Variants in FAM193A observed in about 807,000 individuals in gnomAD.
FAM193A encodes the protein family with sequence similarity 193 member A, also known as protein FAM193A.
In FAM193A, 22 loss-of-function variants were observed where a neutral mutation model predicts 126.5. That is an observed-to-expected ratio of 0.17 (90% CI 0.12 to 0.25). FAM193A has a LOEUF of 0.25. Among genes scored for constraint, FAM193A ranks in the 10% least tolerant of loss-of-function variants. FAM193A has a pLI of 1.00. For synonymous variants in FAM193A, 761 were observed against 646.8 expected, an observed-to-expected ratio of 1.18 and a Z score of -2.68; for missense variants, 1,675 against 1,672.8, an observed-to-expected ratio of 1.00 and a Z score of -0.02.
intron 12 of FAM193A, among the ~76,000 whole-genome samples, chr4:2,671,629 C>A (rs765322682): frequency 3.9e-5 from 6 of 152,202 alleles, no homozygotes; most frequent in Non-Finnish European, 7.3e-5. Flanking sequence ...AGAATGGTTG[C>A]CTTTGACAAT....
At chr4:2,552,402 C>T (rs1447950731) in intron 1 of FAM193A, among the ~76,000 whole-genome samples, 1 of 152,106 alleles carries the variant, frequency 6.6e-6, no homozygotes, top group African/African-American at 2.4e-5. Context: ...CTGCCCACCT[C>T]TGCCTCCCAA....
chr4:2,688,895 A>G (rs1716050243), intron 13 of FAM193A, among the ~76,000 whole-genome samples: 1 of 152,186 alleles, frequency 6.6e-6, no homozygotes, highest in African/African-American at 2.4e-5. Flanking sequence ...AAATGCATGG[A>G]TGTTGGCTAG....
At chr4:2,665,612 A>C (rs970569897) in intron 12 of FAM193A, among the ~76,000 whole-genome samples, 9 of 151,964 alleles carry the variant, frequency 5.9e-5, no homozygotes, top group Non-Finnish European at 1.0e-4. Context: ...GGGCTCAAGC[A>C]GTCTTGCTGC....
chr4:2,612,063 C>T (rs1417953445), intron 2 of FAM193A, among the ~76,000 whole-genome samples: 1 of 151,712 alleles, frequency 6.6e-6, no homozygotes, highest in African/African-American at 2.4e-5. Flanking sequence ...GTCTCGTTCT[C>T]CTGACCTCGT....
At chr4:2,703,437 A>T (rs1717961252) in intron 19 of FAM193A, among the ~76,000 whole-genome samples, 1 of 152,028 alleles carries the variant, frequency 6.6e-6, no homozygotes. Flanking sequence ...AATAGAGATG[A>T]GGTTTCACCA....
chr4:2,564,091 A>G (rs1476632349), intron 1 of FAM193A, among the ~76,000 whole-genome samples: 2 of 151,944 alleles, frequency 1.3e-5, no homozygotes, highest in South Asian at 4.2e-4. Flanking sequence ...TATTTATTAT[A>G]TTTGTTTATT....
At chr4:2,610,307 A>G (rs1401539016) in intron 2 of FAM193A, among the ~76,000 whole-genome samples, 1 of 152,138 alleles carries the variant, frequency 6.6e-6, no homozygotes, top group African/African-American at 2.4e-5. Flanking sequence ...TACTACGCCC[A>G]TAGATCAATC....
chr4:2,646,861 C>A, intron 7 of FAM193A, 29 bp downstream of exon 7: 1 of 1,591,860 alleles, frequency 6.3e-7, no homozygotes, highest in South Asian at 1.1e-5. Context: ...CACCGCACCC[C>A]GCGCACATCC....
chr4:2,679,763 T>G (rs1320502696), intron 13 of FAM193A, among the ~76,000 whole-genome samples: 2 of 152,176 alleles, frequency 1.3e-5, no homozygotes, highest in African/African-American at 2.4e-5. Flanking sequence ...CTCTTCAGTT[T>G]TTTGGAAACT....
intron 1 of FAM193A, among the ~76,000 whole-genome samples, chr4:2,553,847 C>T (rs934656357): frequency 6.6e-6 from 1 of 152,060 alleles, no homozygotes; most frequent in Non-Finnish European, 1.5e-5. Flanking sequence ...ATAAGTCTCA[C>T]GAGATCTGAT....
intron 20 of FAM193A, among the ~76,000 whole-genome samples, chr4:2,716,961 C>T (rs1719606573): frequency 6.6e-6 from 1 of 150,594 alleles, no homozygotes; most frequent in Admixed American, 6.6e-5. Flanking sequence ...CAGGCGTGAG[C>T]CACCGCGCCC....
intron 1 of FAM193A, among the ~76,000 whole-genome samples, chr4:2,587,900 A>T (rs1740322870): frequency 6.6e-6 from 1 of 152,018 alleles, no homozygotes; most frequent in Non-Finnish European, 1.5e-5. Context: ...AAAGAAAGAG[A>T]AAGTGATGAT....
chr4:2,569,059 T>C (rs1167839924), intron 1 of FAM193A, among the ~76,000 whole-genome samples: 2 of 138,626 alleles, frequency 1.4e-5, no homozygotes, highest in Non-Finnish European at 3.1e-5. Flanking sequence ...AACCTCTGCC[T>C]CCTGGGTTCA....
intron 19 of FAM193A, among the ~76,000 whole-genome samples, chr4:2,705,438 G>T (rs1718194724): frequency 6.6e-6 from 1 of 151,014 alleles, no homozygotes; most frequent in Admixed American, 6.7e-5. Context: ...ACACACCCAT[G>T]CTGCCTTCCA....
At chr4:2,697,838 G>A (rs750204889) in intron 18 of FAM193A, among the ~76,000 whole-genome samples, 12 of 152,290 alleles carry the variant, frequency 7.9e-5, no homozygotes, top group African/African-American at 1.2e-4. Flanking sequence ...ATTCAGGAGC[G>A]TCCAGCATCG....
At chr4:2,611,105 G>C (rs1741844121) in intron 2 of FAM193A, among the ~76,000 whole-genome samples, 1 of 152,128 alleles carries the variant, frequency 6.6e-6, no homozygotes, top group Non-Finnish European at 1.5e-5. Flanking sequence ...GAATTGCTGA[G>C]TCCTATAGGG....
At chr4:2,608,924 T>C (rs1289344845) in intron 2 of FAM193A, among the ~76,000 whole-genome samples, 2 of 148,944 alleles carry the variant, frequency 1.3e-5, no homozygotes, top group African/African-American at 5.0e-5. Context: ...AGAGTCTCAC[T>C]CTGTCGCCCA....
chr4:2,560,126 A>T (rs754496096), intron 1 of FAM193A, among the ~76,000 whole-genome samples: 2 of 151,946 alleles, frequency 1.3e-5, no homozygotes, highest in South Asian at 4.1e-4. Flanking sequence ...TATGTTTAGT[A>T]GAGATGGGGT....
intron 5 of FAM193A, among the ~76,000 whole-genome samples, chr4:2,633,342 T>A (rs149922324): frequency 0.029 from 4,375 of 151,996 alleles, 223 homozygotes; most frequent in African/African-American, 0.1. Context: ...GAGGTTGCAT[T>A]GAGCCAAGAT....
Sources: gnomAD v4.1 joint callset for allele counts (sites outside exome capture counted in the v4.1 genomes callset) on GRCh38, gnomAD v4.1.1 for gene constraint, MANE v1.5 for transcripts, NCBI Gene and HGNC (gene_info 2026-07-23, HGNC 2026-07-21) for gene names.